The following B3GALT1 variants were observed in gnomAD, a reference collection of about 807,000 sequenced individuals.
B3GALT1 encodes UDP-Gal:betaGlcNAc beta 1,3-galactosyltransferase, polypeptide 1.
A neutral mutation model predicts 23.2 loss-of-function variants in B3GALT1; 10 were observed. That is an observed-to-expected ratio of 0.43 (90% CI 0.27 to 0.73). The LOEUF (loss-of-function observed/expected upper bound fraction) is 0.73, where lower values mean the gene tolerates loss of function less well. B3GALT1 is among the 30% of genes least tolerant of loss of function. B3GALT1 has a pLI of 0.21. For synonymous variants in B3GALT1, 156 were observed against 141.5 expected, an observed-to-expected ratio of 1.10 and a Z score of -0.73; for missense variants, 299 against 405.4, an observed-to-expected ratio of 0.74 and a Z score of 2.25.
chr2:167,778,383 T>C (rs1558976214), intron 3 of B3GALT1, among the ~76,000 whole-genome samples: 1 of 152,164 alleles, frequency 6.6e-6, no homozygotes, highest in East Asian at 1.9e-4. Flanking sequence ...TCTTCTATTC[T>C]TCTATCTTTT....
intron 2 of B3GALT1, among the ~76,000 whole-genome samples, chr2:167,639,817 A>T (rs1273134505): frequency 6.6e-6 from 1 of 152,102 alleles, no homozygotes; most frequent in African/African-American, 2.4e-5. Context: ...GTTGACATCC[A>T]AATCATTGAA....
intron 3 of B3GALT1, among the ~76,000 whole-genome samples, chr2:167,705,146 C>CA (rs1475508730): frequency 6.6e-6 from 1 of 152,164 alleles, no homozygotes; most frequent in Non-Finnish European, 1.5e-5. Flanking sequence ...GAGCAACCTA[C>CA]AGCCTAGAGC....
At chr2:167,668,020 C>A (rs368332240) in intron 3 of B3GALT1, among the ~76,000 whole-genome samples, 1 of 152,164 alleles carries the variant, frequency 6.6e-6, no homozygotes, top group African/African-American at 2.4e-5. Context: ...GGAGGAGAGG[C>A]GCTCTGCTTT....
intron 1 of B3GALT1, among the ~76,000 whole-genome samples, chr2:167,336,833 A>G (rs1338224367): frequency 6.6e-6 from 1 of 152,144 alleles, no homozygotes; most frequent in Non-Finnish European, 1.5e-5. Context: ...ATTTCCCTCA[A>G]GGGCCCATAT....
intron 1 of B3GALT1, among the ~76,000 whole-genome samples, chr2:167,306,414 G>GA (rs1696552783): frequency 6.6e-6 from 1 of 152,066 alleles, no homozygotes; most frequent in East Asian, 1.9e-4. Context: ...GTAAAATGGT[G>GA]AAAATAGAGA....
chr2:167,778,564 G>T lies in B3GALT1; in HGVS notation c.-351-40108G>T, dbSNP rs1227708920. On this transcript the variant is annotated intron_variant, in intron 3 of 4. Transcript: ENST00000392690. ...CCTCTTCTCACAGAGAGAAGAGACT[G>T]CAGACTTCTTTCATCAGCACTCAGA... Among the ~76,000 whole-genome samples, 19 of 152,298 alleles carry T rather than the reference G, an allele frequency of 1.2e-4. No individual in the cohort carries two copies. The Middle Eastern group carries it at 0.01, about 82-fold the overall frequency.
chr2:167,392,259 A>G (rs1431988410), intron 1 of B3GALT1, among the ~76,000 whole-genome samples: 1 of 152,096 alleles, frequency 6.6e-6, no homozygotes, highest in Non-Finnish European at 1.5e-5. Context: ...CTCGATGACA[A>G]AATCATTAGG....
At chr2:167,826,646 G>A (rs917950097) in intron 4 of B3GALT1, among the ~76,000 whole-genome samples, 1 of 152,146 alleles carries the variant, frequency 6.6e-6, no homozygotes, top group African/African-American at 2.4e-5. Context: ...GAGAGTCAGG[G>A]ATGTTTATGG....
chr2:167,456,813 C>A (rs1378053244), intron 1 of B3GALT1, among the ~76,000 whole-genome samples: 3 of 152,184 alleles, frequency 2.0e-5, no homozygotes, highest in African/African-American at 4.8e-5. Context: ...ACCATCCTCT[C>A]AAGATCTCCA....
intron 3 of B3GALT1, among the ~76,000 whole-genome samples, chr2:167,719,789 A>G (rs1687203124): frequency 1.3e-5 from 2 of 152,068 alleles, no homozygotes; most frequent in Non-Finnish European, 2.9e-5. Flanking sequence ...AAAATTAGCC[A>G]GGTATGGTGG....
chr2:167,812,950 C>T (rs1688918458), intron 3 of B3GALT1, among the ~76,000 whole-genome samples: 1 of 150,136 alleles, frequency 6.7e-6, no homozygotes, highest in African/African-American at 2.5e-5. Flanking sequence ...CACACCAAGA[C>T]ATACATGCAT....
At chr2:167,355,479 T>C (rs980641188) in intron 1 of B3GALT1, among the ~76,000 whole-genome samples, 3 of 152,180 alleles carry the variant, frequency 2.0e-5, no homozygotes, top group Non-Finnish European at 4.4e-5. Flanking sequence ...ATTTAATAAC[T>C]TTGCAGGATC....
chr2:167,779,203 T>C (rs1193210170), intron 3 of B3GALT1, among the ~76,000 whole-genome samples: 1 of 152,224 alleles, frequency 6.6e-6, no homozygotes, highest in East Asian at 1.9e-4. Context: ...TGGTTTTTTT[T>C]CTCCCTTTTT....
intron 1 of B3GALT1, among the ~76,000 whole-genome samples, chr2:167,342,603 GAAA>G (rs528340680): frequency 1.4e-5 from 2 of 144,450 alleles, no homozygotes; most frequent in Admixed American, 6.9e-5. Flanking sequence ...AAAAAAAAAA[GAAA>G]AAAAAACAAA....
chr2:167,446,977 C>T (rs1333302401), intron 1 of B3GALT1, among the ~76,000 whole-genome samples: 1 of 152,168 alleles, frequency 6.6e-6, no homozygotes, highest in African/African-American at 2.4e-5. Flanking sequence ...TCTGGTTTCT[C>T]CCCATCTTTG....
At position 167,871,153 on chromosome 2, in the gene B3GALT1, G is replaced by A. The variant is rs563941664; in HGVS notation, c.*1133G>A. On this transcript the variant is annotated 3_prime_UTR_variant, in exon 5 of 5. Transcript: ENST00000392690. ...GGAAGGATGGGGAAGGCCAGGTTCG[G>A]GTCCCGTTGATGCCACCATACTTAT... 8 of 152,254 alleles carry A rather than the reference G, an allele frequency of 5.3e-5. No homozygotes were observed. The South Asian group carries it at 1.0e-3, about 20-fold the overall frequency. 9.4% of individuals were successfully genotyped at this position (152,254 alleles called of 1,614,324 possible). A position where few individuals can be genotyped will look rare whatever the true frequency, so the allele number is the denominator to read the frequency against.
chr2:167,820,036 A>C (rs1190439995), intron 4 of B3GALT1, among the ~76,000 whole-genome samples: 1 of 152,192 alleles, frequency 6.6e-6, no homozygotes, highest in Non-Finnish European at 1.5e-5. Flanking sequence ...ACAGACTAAG[A>C]GACATGAGAT....
intron 2 of B3GALT1, among the ~76,000 whole-genome samples, chr2:167,491,163 T>C (rs1699702130): frequency 6.6e-6 from 1 of 152,116 alleles, no homozygotes; most frequent in Non-Finnish European, 1.5e-5. Context: ...AACTCCTGAT[T>C]CTGTTGTGTT....
intron 4 of B3GALT1, among the ~76,000 whole-genome samples, chr2:167,862,425 T>G (rs1437871002): frequency 6.6e-6 from 1 of 152,204 alleles, no homozygotes; most frequent in African/African-American, 2.4e-5. Flanking sequence ...CCTCTAAGTT[T>G]TCGTCCTATT....
Sources: allele counts gnomAD v4.1 joint callset (sites outside exome capture counted in the v4.1 genomes callset), GRCh38; gene constraint gnomAD v4.1.1; transcripts MANE v1.5; gene names NCBI Gene and HGNC (gene_info 2026-07-23, HGNC 2026-07-21).